Variants in CLTC observed in about 807,000 individuals in gnomAD.
The protein encoded by CLTC is clathrin heavy chain, also known as clathrin heavy chain 1.
A neutral mutation model predicts 195.8 loss-of-function variants in CLTC; 16 were observed. The ratio of observed to expected loss-of-function variants is 0.08; its 90% CI spans 0.06 to 0.12. The LOEUF is 0.12. Among genes scored for constraint, CLTC ranks in the 10% least tolerant of loss-of-function variants. The pLI is 1.00. For synonymous variants in CLTC, 667 were observed against 689.4 expected, an observed-to-expected ratio of 0.97 and a Z score of 0.51; for missense variants, 796 against 2,027.0, an observed-to-expected ratio of 0.39 and a Z score of 11.66.
rs576346766 is a variant in CLTC, at chr17:59,641,326, T to C, written c.43-2950T>C. On this transcript the variant is annotated intron_variant, in intron 1 of 31. Coordinates refer to ENST00000269122, the MANE Select transcript of CLTC (RefSeq NM_004859.4). ...TACAGGTTACAGGCTACTTTTCTGT[T>C]CTTGTCTAGACTGAGGCTGACTGAC... Among the ~76,000 whole-genome samples the C allele has an allele frequency of 9.2e-5, 14 of 152,062 alleles. 1 individual carries two copies. The South Asian group carries it at 2.9e-3, about 32-fold the overall frequency.
In CLTC at chr17:59,694,860, C is replaced by T; in HGVS notation, c.*1008C>T. The T allele has an allele frequency of 4.4e-6, 1 of 225,886 alleles. No homozygotes were observed. The highest frequency in any genetic ancestry group is 8.8e-6 in the Non-Finnish European group (1 of 113,412). The allele number at this position is 225,886 out of a possible 1,614,324, so 14.0% of individuals were successfully genotyped here. On this transcript the variant is annotated 3_prime_UTR_variant, in exon 32 of 32. Transcript: ENST00000269122. ...ATTGGATACTGAGGCATTAGGGAGG[C>T]ATGAAAGGAAGAGGAATGAGGATTG...
At chr17:59,652,712 C>G (rs2032357844) in intron 5 of CLTC, among the ~76,000 whole-genome samples, 1 of 152,104 alleles carries the variant, frequency 6.6e-6, no homozygotes, top group African/African-American at 2.4e-5. Context: ...CTTTGCTGTT[C>G]CATTTCTATA....
chr17:59,679,304 A>G, intron 17 of CLTC, 93 bp from the exon 18 acceptor site: 1 of 1,028,372 alleles, frequency 9.7e-7, no homozygotes, highest in Non-Finnish European at 1.4e-6. Context: ...GATTATCAAT[A>G]AACATAGTTT....
intron 5 of CLTC, among the ~76,000 whole-genome samples, chr17:59,655,497 T>C (rs565467152): frequency 6.6e-6 from 1 of 152,302 alleles, no homozygotes; most frequent in East Asian, 1.9e-4. Context: ...CACATGCTGT[T>C]GGAAAATAGT....
intron 16 of CLTC, among the ~76,000 whole-genome samples, chr17:59,675,517 C>T (rs1442337969): frequency 6.6e-6 from 1 of 152,022 alleles, no homozygotes; most frequent in African/African-American, 2.4e-5. Context: ...TCATTTTAAC[C>T]TGAGTTGATA....
chr17:59,639,219 C>T (rs1025492646), intron 1 of CLTC, among the ~76,000 whole-genome samples: 1 of 152,132 alleles, frequency 6.6e-6, no homozygotes, highest in Admixed American at 6.5e-5. Context: ...CTTTCATATG[C>T]TACAGGATAA....
At chr17:59,693,360 CTTTTTTTTT>C (rs56119322) in intron 31 of CLTC, among the ~76,000 whole-genome samples, 1 of 136,728 alleles carries the variant, frequency 7.3e-6, no homozygotes, top group African/African-American at 2.8e-5. Flanking sequence ...GAGCCAGATT[CTTTTTTTTT>C]TTTTTTTTTT....
At chr17:59,680,488 T>G (rs2033060956) in intron 18 of CLTC, among the ~76,000 whole-genome samples, 1 of 152,128 alleles carries the variant, frequency 6.6e-6, no homozygotes, top group South Asian at 2.1e-4. Flanking sequence ...TAAGCAACAT[T>G]CCCAAGTAGT....
chr17:59,660,724 G>A, intron 7 of CLTC, 136 bp downstream of exon 7: 1 of 849,740 alleles, frequency 1.2e-6, no homozygotes, highest in African/African-American at 1.7e-5. Context: ...TTTTCCTTTA[G>A]TAGAATTCCT....
intron 28 of CLTC, among the ~76,000 whole-genome samples, chr17:59,684,679 G>A (rs1335499385): frequency 1.3e-5 from 2 of 152,012 alleles, no homozygotes; most frequent in African/African-American, 4.8e-5. Context: ...GGTGGCACGT[G>A]CCTGTAGTAG....
At chr17:59,637,271 G>T (rs1488962426) in intron 1 of CLTC, among the ~76,000 whole-genome samples, 1 of 150,716 alleles carries the variant, frequency 6.6e-6, no homozygotes, top group South Asian at 2.1e-4. Context: ...TTGAGACGGA[G>T]TCTTGCTCTG....
At chr17:59,680,784 T>C (rs1199041167) in intron 18 of CLTC, 128 bp from the exon 19 acceptor site, 2 of 653,216 alleles carry the variant, frequency 3.1e-6, no homozygotes, top group Non-Finnish European at 5.2e-6. Context: ...CCTCTCTATG[T>C]AAATTTAAAG....
In CLTC at chr17:59,648,081, T is replaced by G. The variant is rs1409706098; in HGVS notation, c.520-159T>G. On this transcript the variant is annotated intron_variant, in intron 3 of 31. Coordinates refer to ENST00000269122, the MANE Select transcript of CLTC (RefSeq NM_004859.4). The surrounding 1 kb of genome is among the most constrained non-coding windows in gnomAD (Gnocchi z 4.5). ...ACAAGATAATGTTTGGGGCTGATTT[T>G]AAGTTAAGAAGTATCAAATCTACAG... 6.6e-6 allele frequency among the ~76,000 whole-genome samples: 1 copy of G among 152,250 alleles called. No individual in the cohort carries two copies. The highest frequency in any genetic ancestry group is 1.5e-5 in the Non-Finnish European group (1 of 68,044).
chr17:59,628,000 C>T (rs117830518), intron 1 of CLTC, among the ~76,000 whole-genome samples: 2 of 152,304 alleles, frequency 1.3e-5, no homozygotes, highest in East Asian at 1.9e-4. Context: ...TATATTTGCT[C>T]ATTTTGAGTA....
intron 1 of CLTC, 105 bp downstream of exon 1, chr17:59,620,278 G>T (rs1013754904): frequency 2.5e-6 from 3 of 1,202,496 alleles, no homozygotes; most frequent in African/African-American, 1.5e-5. Flanking sequence ...GGGGCGGGGG[G>T]GTTGTCGGTG....
intron 30 of CLTC, chr17:59,690,398 C>T: frequency 2.5e-6 from 1 of 400,136 alleles, no homozygotes; most frequent in Non-Finnish European, 4.5e-6. Context: ...TTTAGTCTGG[C>T]ATGAGCTTTT....
At position 59,666,012 on chromosome 17, in the gene CLTC, A is replaced by AT; in HGVS notation, c.1645-89dup. 1 of 959,668 alleles carries AT rather than the reference A, an allele frequency of 1.0e-6. No homozygotes were observed. Among genetic ancestry groups the AT allele is most frequent in the East Asian group, 2.4e-5 (1 of 40,950 alleles). 59.4% of individuals were successfully genotyped at this position (959,668 alleles called of 1,614,324 possible). ...TAAGTGTTTATATTGTCCAAATAAA[A>AT]TTCTCAGGTAAAGAAAGAGTTCATG... On this transcript the variant is annotated intron_variant, in intron 10 of 31. Transcript: ENST00000269122. The surrounding 1 kb of genome is among the most constrained non-coding windows in gnomAD (Gnocchi z 4.9).
At chr17:59,639,808 A>G (rs1320032359) in intron 1 of CLTC, among the ~76,000 whole-genome samples, 1 of 150,766 alleles carries the variant, frequency 6.6e-6, no homozygotes, top group Non-Finnish European at 1.5e-5. Context: ...TCTCTTAAAA[A>G]AAAAAAAAAA....
chr17:59,628,290 C>T (rs932020070), intron 1 of CLTC, among the ~76,000 whole-genome samples: 4 of 152,190 alleles, frequency 2.6e-5, no homozygotes, highest in Non-Finnish European at 5.9e-5. Flanking sequence ...AGGTTTTCAA[C>T]TTGTCTCAAC....
Sources: allele counts gnomAD v4.1 joint callset (sites outside exome capture counted in the v4.1 genomes callset), GRCh38; gene constraint gnomAD v4.1.1; non-coding constraint Gnocchi (gnomAD v3.1); transcripts MANE v1.5; gene names NCBI Gene and HGNC (gene_info 2026-07-23, HGNC 2026-07-21).